The following FSTL5 variants were observed in gnomAD, a reference collection of about 807,000 sequenced individuals.
FSTL5 encodes follistatin-related protein 5.
A neutral mutation model predicts 89.1 loss-of-function variants in FSTL5; 62 were observed. That is an observed-to-expected ratio of 0.70 (90% CI 0.57 to 0.86). The LOEUF is 0.86. Ranked by LOEUF, FSTL5 falls within the 40% of genes least tolerant of loss-of-function variation. The probability of loss-of-function intolerance (pLI) is 0.00; values close to 1 mark genes in which losing one functional copy is unlikely to be tolerated. For missense variants in FSTL5, 1,057 were observed against 1,001.6 expected, an observed-to-expected ratio of 1.06 and a Z score of -0.75; for synonymous variants, 383 against 346.2, an observed-to-expected ratio of 1.11 and a Z score of -1.18.
intron 2 of FSTL5, among the ~76,000 whole-genome samples, chr4:162,057,033 T>C (rs1292046280): frequency 6.6e-6 from 1 of 152,362 alleles, no homozygotes; most frequent in South Asian, 2.1e-4. Flanking sequence ...GGAGTGTGAT[T>C]GAAACTGCTG....
At chr4:161,866,501 T>TGTGTGC (rs1553973520) in intron 4 of FSTL5, among the ~76,000 whole-genome samples, 17 of 150,288 alleles carry the variant, frequency 1.1e-4, no homozygotes, top group African/African-American at 3.4e-4. Flanking sequence ...TGTGTGTGTG[T>TGTGTGC]GTGTGTGGTT....
chr4:162,057,700 T>G (rs1280193402), intron 2 of FSTL5, among the ~76,000 whole-genome samples: 1 of 152,258 alleles, frequency 6.6e-6, no homozygotes, highest in Non-Finnish European at 1.5e-5. Context: ...TCCCAGAACT[T>G]TGGGAGGCCG....
intron 9 of FSTL5, among the ~76,000 whole-genome samples, chr4:161,539,813 C>T (rs1162234021): frequency 1.3e-5 from 2 of 151,786 alleles, no homozygotes; most frequent in South Asian, 2.1e-4. Flanking sequence ...TTTATAGGAA[C>T]CTGCTCTAAA....
chr4:161,404,448 C>G (rs78593209), intron 15 of FSTL5, among the ~76,000 whole-genome samples: 3,865 of 152,206 alleles, frequency 0.025, 76 homozygotes, highest in South Asian at 0.046. Context: ...ATCCTGTAGA[C>G]TCATGTAAAC....
chr4:161,408,551 C>T (rs1002028933), intron 15 of FSTL5, among the ~76,000 whole-genome samples: 1 of 152,052 alleles, frequency 6.6e-6, no homozygotes, highest in African/African-American at 2.4e-5. Context: ...TCACTAGCTC[C>T]CTAGCAATAA....
At chr4:161,829,535 A>G (rs1395039490) in intron 4 of FSTL5, among the ~76,000 whole-genome samples, 1 of 152,036 alleles carries the variant, frequency 6.6e-6, no homozygotes, top group Non-Finnish European at 1.5e-5. Context: ...TTTCACTTCA[A>G]AATTGTCTTG....
intron 13 of FSTL5, among the ~76,000 whole-genome samples, chr4:161,462,181 C>A (rs144795353): frequency 6.6e-6 from 1 of 152,290 alleles, no homozygotes; most frequent in African/African-American, 2.4e-5. Flanking sequence ...GGTCCTCCAG[C>A]CAATAACAAG....
intron 3 of FSTL5, among the ~76,000 whole-genome samples, chr4:161,976,674 GGTTTC>G (rs1175649457): frequency 6.6e-6 from 1 of 152,048 alleles, no homozygotes; most frequent in African/African-American, 2.4e-5. Flanking sequence ...GTAGAGACGG[GGTTTC>G]ACCTTGTTGG....
intron 4 of FSTL5, among the ~76,000 whole-genome samples, chr4:161,902,183 A>G (rs1051413787): frequency 2.6e-5 from 4 of 152,174 alleles, no homozygotes; most frequent in African/African-American, 9.7e-5. Context: ...GACTGTACCT[A>G]CCCAAAAGGC....
chr4:161,819,896 T>A (rs13117167), intron 4 of FSTL5, among the ~76,000 whole-genome samples: 17,825 of 152,010 alleles, frequency 0.12, 1,340 homozygotes, highest in Non-Finnish European at 0.17. Flanking sequence ...TATCAAAAAC[T>A]GTTATTTTGG....
intron 5 of FSTL5, among the ~76,000 whole-genome samples, chr4:161,766,202 C>A (rs540396814): frequency 1.3e-5 from 2 of 152,154 alleles, no homozygotes. Context: ...TTCAGAATCA[C>A]AAGGGAATGA....
At chr4:161,455,152 G>C in intron 14 of FSTL5, 24 bp from the exon 15 acceptor site, 2 of 1,559,510 alleles carry the variant, frequency 1.3e-6, no homozygotes, top group Non-Finnish European at 1.7e-6. Context: ...ACCTTGGTTA[G>C]ACCTCAACAA....
intron 4 of FSTL5, among the ~76,000 whole-genome samples, chr4:161,846,871 G>C (rs1046412171): frequency 5.9e-5 from 9 of 151,848 alleles, no homozygotes; most frequent in African/African-American, 2.2e-4. Flanking sequence ...TAGCTGATTA[G>C]GAAAAAAATA....
chr4:161,903,903 T>C (rs930979485), intron 4 of FSTL5, among the ~76,000 whole-genome samples: 4 of 152,024 alleles, frequency 2.6e-5, no homozygotes, highest in Non-Finnish European at 5.9e-5. Context: ...TCAGTCCTTG[T>C]TTCAATTGTA....
chr4:161,566,768 T>C (rs1732830573), intron 8 of FSTL5, among the ~76,000 whole-genome samples: 1 of 152,022 alleles, frequency 6.6e-6, no homozygotes. Flanking sequence ...ATCAAGGAAA[T>C]GAATTATAAT....
chr4:161,553,222 T>C (rs1429863785), intron 8 of FSTL5, among the ~76,000 whole-genome samples: 3 of 151,532 alleles, frequency 2.0e-5, no homozygotes, highest in Middle Eastern at 3.4e-3. Flanking sequence ...TTACTTTATA[T>C]AATAATATCC....
intron 3 of FSTL5, among the ~76,000 whole-genome samples, chr4:162,008,059 G>A (rs940403177): frequency 1.3e-5 from 2 of 151,724 alleles, no homozygotes; most frequent in Admixed American, 1.3e-4. Context: ...AATTTGTTAT[G>A]TAAAATATAC....
chr4:161,494,333 T>G (rs997304592), intron 12 of FSTL5, among the ~76,000 whole-genome samples: 1 of 152,140 alleles, frequency 6.6e-6, no homozygotes, highest in African/African-American at 2.4e-5. Context: ...ACTGGCTTCA[T>G]GGGGAAATGA....
intron 10 of FSTL5, among the ~76,000 whole-genome samples, chr4:161,532,661 C>T (rs1200595706): frequency 6.6e-6 from 1 of 152,144 alleles, no homozygotes; most frequent in Non-Finnish European, 1.5e-5. Context: ...CAACACTCCA[C>T]TGACAACATT....
Sources: gnomAD v4.1 joint callset for allele counts (sites outside exome capture counted in the v4.1 genomes callset) on GRCh38, gnomAD v4.1.1 for gene constraint, MANE v1.5 for transcripts, NCBI Gene and HGNC (gene_info 2026-07-23, HGNC 2026-07-21) for gene names.